Variants in SNTG1 observed in about 807,000 individuals in gnomAD.
SNTG1 encodes the protein gamma-1-syntrophin.
A neutral mutation model predicts 74.7 loss-of-function variants in SNTG1; 39 were observed. The ratio of observed to expected loss-of-function variants is 0.52; its 90% CI spans 0.40 to 0.68. The LOEUF is 0.68. Among genes scored for constraint, SNTG1 ranks in the 30% least tolerant of loss-of-function variants. The probability of loss-of-function intolerance (pLI) is 0.00; values close to 1 mark genes in which losing one functional copy is unlikely to be tolerated. For missense variants in SNTG1, 685 were observed against 609.5 expected (o/e 1.12, Z -1.30); for synonymous variants, 254 against 217.1 (o/e 1.17, Z -1.49).
intron 18 of SNTG1, among the ~76,000 whole-genome samples, chr8:50,773,280 G>T (rs904321530): frequency 2.0e-5 from 3 of 152,148 alleles, no homozygotes; most frequent in Non-Finnish European, 2.9e-5. Flanking sequence ...TCCAATGAGG[G>T]TCTTTTAGAA....
intron 13 of SNTG1, among the ~76,000 whole-genome samples, chr8:50,646,808 C>A (rs1280779502): frequency 1.3e-5 from 2 of 152,100 alleles, no homozygotes; most frequent in Non-Finnish European, 2.9e-5. Context: ...TATTATCCAA[C>A]CTCAAATCTT....
intron 15 of SNTG1, among the ~76,000 whole-genome samples, chr8:50,665,258 T>C (rs2095245135): frequency 6.6e-6 from 1 of 152,020 alleles, no homozygotes; most frequent in Admixed American, 6.6e-5. Flanking sequence ...ACTAAGTAGA[T>C]ATGTTATGCG....
At chr8:50,604,680 T>G (rs1200911052) in intron 13 of SNTG1, among the ~76,000 whole-genome samples, 2 of 152,084 alleles carry the variant, frequency 1.3e-5, no homozygotes, top group Non-Finnish European at 1.5e-5. Context: ...GGTTCAGAAA[T>G]GTCCAAGAGT....
chr8:50,093,854 T>C (rs1382762508), intron 1 of SNTG1, among the ~76,000 whole-genome samples: 3 of 151,956 alleles, frequency 2.0e-5, no homozygotes, highest in Non-Finnish European at 4.4e-5. Context: ...ATGAATACAG[T>C]GTTGTGAGGT....
intron 1 of SNTG1, among the ~76,000 whole-genome samples, chr8:50,136,142 A>G (rs549420358): frequency 1.2e-4 from 18 of 152,218 alleles, no homozygotes; most frequent in African/African-American, 3.6e-4. Context: ...ATTTTCTTTA[A>G]CAAGACCAAC....
intron 2 of SNTG1, among the ~76,000 whole-genome samples, chr8:50,354,560 G>T (rs1216295817): frequency 6.6e-6 from 1 of 152,140 alleles, no homozygotes; most frequent in Non-Finnish European, 1.5e-5. Context: ...CTTACATCCT[G>T]AGAGCTGACA....
chr8:50,052,896 C>T (rs544376563), intron 1 of SNTG1, among the ~76,000 whole-genome samples: 57 of 152,216 alleles, frequency 3.7e-4, no homozygotes, highest in South Asian at 1.2e-3. Flanking sequence ...TGGCCATTGC[C>T]AGAAAACAGA....
intron 18 of SNTG1, among the ~76,000 whole-genome samples, chr8:50,778,728 T>C (rs374501010): frequency 1.3e-4 from 19 of 149,066 alleles, no homozygotes; most frequent in East Asian, 7.8e-4. Flanking sequence ...TTTGTCAATT[T>C]TGGCTTTTGT....
chr8:50,695,073 G>A (rs1046846986), intron 15 of SNTG1, among the ~76,000 whole-genome samples: 1 of 151,750 alleles, frequency 6.6e-6, no homozygotes, highest in African/African-American at 2.4e-5. Context: ...TAGTGTTGAA[G>A]GTCCAAGCCA....
At chr8:49,971,989 T>C (rs554649680) in intron 1 of SNTG1, among the ~76,000 whole-genome samples, 1 of 152,328 alleles carries the variant, frequency 6.6e-6, no homozygotes, top group Admixed American at 6.5e-5. Context: ...TACCAATGAC[T>C]TTCTTCACAG....
chr8:50,420,760 T>C (rs1271596915), intron 4 of SNTG1, among the ~76,000 whole-genome samples: 3 of 151,804 alleles, frequency 2.0e-5, no homozygotes, highest in Non-Finnish European at 4.4e-5. Context: ...GGTGCAGTAG[T>C]TCATGCCTGT....
chr8:50,699,974 A>G (rs2131500313), intron 15 of SNTG1, among the ~76,000 whole-genome samples: 1 of 152,292 alleles, frequency 6.6e-6, no homozygotes, highest in African/African-American at 2.4e-5. Flanking sequence ...AGGAAGCTAT[A>G]TATATGGTAA....
intron 11 of SNTG1, among the ~76,000 whole-genome samples, chr8:50,539,438 T>A (rs1202634958): frequency 2.0e-5 from 3 of 152,090 alleles, no homozygotes; most frequent in Non-Finnish European, 4.4e-5. Flanking sequence ...TATTCATATT[T>A]CTTGGTTACT....
In SNTG1 at chr8:50,752,061, A is replaced by G; in HGVS notation, c.1345A>G (p.Lys449Glu). Residue 449 changes from lysine (K) to glutamate (E), a missense_variant, in exon 18 of 19, where the codon AAA becomes GAA. Physicochemically the swap from Lys to Glu is moderately conservative, Grantham distance 56. Coordinates refer to ENST00000642720, the MANE Select transcript of SNTG1 (RefSeq NM_018967.5). Reference sequence around the variant, plus strand: ...AGGTTCTTCAGATGATGGCAAGAGCAAAATCAAATTTTTGTTTCAGAATCC... The same window carrying G: ...AGGTTCTTCAGATGATGGCAAGAGCGAAATCAAATTTTTGTTTCAGAATCC... ...LKGSSDDGKSKIKFLFQNPDT... is the reference protein window; with the variant it reads ...LKGSSDDGKSEIKFLFQNPDT... The G allele has an allele frequency of 6.4e-7, 1 of 1,567,792 alleles. No individual in the cohort carries two copies. Among genetic ancestry groups the G allele is most frequent in the Non-Finnish European group, 8.6e-7 (1 of 1,161,044 alleles).
chr8:50,204,864 C>T (rs986410763), intron 2 of SNTG1, among the ~76,000 whole-genome samples: 1 of 152,070 alleles, frequency 6.6e-6, no homozygotes, highest in Non-Finnish European at 1.5e-5. Context: ...ATGATGGTTC[C>T]CAGCTTCATC....
At chr8:49,979,631 C>T (rs1298552480) in intron 1 of SNTG1, among the ~76,000 whole-genome samples, 1 of 152,132 alleles carries the variant, frequency 6.6e-6, no homozygotes, top group Non-Finnish European at 1.5e-5. Flanking sequence ...AGCTTGTCGT[C>T]GCGCTCTAGG....
intron 2 of SNTG1, among the ~76,000 whole-genome samples, chr8:50,301,932 C>T (rs2089668658): frequency 6.6e-6 from 1 of 151,922 alleles, no homozygotes; most frequent in African/African-American, 2.4e-5. Flanking sequence ...TCTCAGTTCA[C>T]TGCAACCTCC....
chr8:49,950,168 T>C (rs953508400), intron 1 of SNTG1, among the ~76,000 whole-genome samples: 3 of 152,146 alleles, frequency 2.0e-5, no homozygotes, highest in Non-Finnish European at 4.4e-5. Context: ...TAAAAACGCA[T>C]TCCTTAAAGG....
At chr8:50,573,996 A>T (rs2094563244) in intron 12 of SNTG1, among the ~76,000 whole-genome samples, 1 of 152,008 alleles carries the variant, frequency 6.6e-6, no homozygotes, top group African/African-American at 2.4e-5. Context: ...TAATTCTAAC[A>T]TTTTTTAATG....
Sources: gnomAD v4.1 joint callset for allele counts (sites outside exome capture counted in the v4.1 genomes callset) on GRCh38, gnomAD v4.1.1 for gene constraint, MANE v1.5 for transcripts, NCBI Gene and HGNC (gene_info 2026-07-23, HGNC 2026-07-21) for gene names.